SPRYD4: variants seen among roughly 807,000 people sequenced by gnomAD.
SPRYD4 encodes SPRY domain containing 4, also known as SPRY domain-containing protein 4.
A neutral mutation model predicts 16.6 loss-of-function variants in SPRYD4; 12 were observed. The ratio of observed to expected loss-of-function variants is 0.72; its 90% confidence interval spans 0.46 to 1.17. SPRYD4 has a LOEUF of 1.17. Among genes scored for constraint, SPRYD4 ranks in the 50% most tolerant of loss-of-function variants. The pLI is 0.00. For missense variants in SPRYD4, 260 were observed against 260.2 expected, an observed-to-expected ratio of 1.00 and a Z score of 0.00; for synonymous variants, 98 against 105.4, an observed-to-expected ratio of 0.93 and a Z score of 0.43.
rs1869966020 is a variant in SPRYD4, at chr12:56,477,913, T to A, written c.*8336T>A. 1 of 1,607,648 alleles carries A rather than the reference T, an allele frequency of 6.2e-7. No individual in the cohort carries two copies. On this transcript the variant is annotated 3_prime_UTR_variant, in exon 2 of 2. Coordinates refer to ENST00000338146, the MANE Select transcript of SPRYD4 (RefSeq NM_207344.4). ...GAAGGGGACAGCTGTAAGTACGGTC[T>A]GAGCCTTGGTAGTGCTCACCTTCCT...
Position 56,472,849 on chromosome 12 carries a change from G to A in SPRYD4, c.*3272G>A, listed in dbSNP as rs1869416524. On this transcript the variant is annotated 3_prime_UTR_variant, in exon 2 of 2. Transcript: ENST00000338146. ...CATGGATGCTTAGTCCAAGGGTATT[G>A]CTGAAGTGTTATGGAATGTGCTACT... 1 of 940,588 alleles carries A rather than the reference G, an allele frequency of 1.1e-6. No individual in the cohort carries two copies. Among genetic ancestry groups the A allele is most frequent in the Non-Finnish European group, 1.7e-6 (1 of 578,366 alleles). The allele number at this position is 940,588 out of a possible 1,614,324, so 58.3% of individuals were successfully genotyped here. A position where few individuals can be genotyped will look rare whatever the true frequency, so the allele number is the denominator to read the frequency against.
At chr12:56,468,936 C>T in intron 1 of SPRYD4, 103 bp from the exon 2 acceptor site, 1 of 1,403,444 alleles carries the variant, frequency 7.1e-7, no homozygotes, top group Non-Finnish European at 9.6e-7. Context: ...TGACTCTTCC[C>T]TAGTTGCTCG....
Position 56,477,685 on chromosome 12 carries a change from G to A in SPRYD4, c.*8108G>A, listed in dbSNP as rs765693889. 2 of 1,613,550 alleles carry A rather than the reference G, an allele frequency of 1.2e-6. No homozygotes were observed. Among genetic ancestry groups the A allele is most frequent in the African/African-American group, 2.7e-5 (2 of 74,898 alleles). ...CTTGATCAGGGAGCTGACAACAATG[G>A]CACCAGCATTGACCATGGGGTTATG... On this transcript the variant is annotated 3_prime_UTR_variant, in exon 2 of 2. Transcript: ENST00000338146.
In SPRYD4 at chr12:56,479,519, A is replaced by G; in HGVS notation, c.*9942A>G. ...ATGTATGTATGTCAGTACATAGGAC[A>G]TTATCTAGAAGATACCCACTAATCT... On this transcript the variant is annotated 3_prime_UTR_variant, in exon 2 of 2. Transcript: ENST00000338146. 4.8e-6 allele frequency: 2 copies of G among 418,584 alleles called. No homozygotes were observed. The highest frequency in any genetic ancestry group is 8.3e-6 in the Non-Finnish European group (2 of 240,358). The allele number at this position is 418,584 out of a possible 1,614,324, so 25.9% of individuals were successfully genotyped here. A position where few individuals can be genotyped will look rare whatever the true frequency, so the allele number is the denominator to read the frequency against.
At position 56,477,373 on chromosome 12, in the gene SPRYD4, G is replaced by A. The variant is rs1869912881; in HGVS notation, c.*7796G>A. 2 of 273,596 alleles carry A rather than the reference G, an allele frequency of 7.3e-6. No homozygotes were observed. Among genetic ancestry groups the A allele is most frequent in the South Asian group, 2.2e-4 (2 of 9,080 alleles). 16.9% of individuals were successfully genotyped at this position (273,596 alleles called of 1,614,324 possible). ...GCATTTGGCCCTTGGTCCTAGGCAG[G>A]GGTCAGGACCTGCTCACTTCTCTAA... On this transcript the variant is annotated 3_prime_UTR_variant, in exon 2 of 2. Transcript: ENST00000338146.
chr12:56,471,953 G>T lies in SPRYD4; in HGVS notation c.*2376G>T. 1 of 1,295,680 alleles carries T rather than the reference G, an allele frequency of 7.7e-7. No individual in the cohort carries two copies. 80.3% of individuals were successfully genotyped at this position (1,295,680 alleles called of 1,614,324 possible). ...AGGGGAAAAGGCCTCTTCCCATTTT[G>T]TACCCTGCAGCACTCAGTCATAGTC... On this transcript the variant is annotated 3_prime_UTR_variant, in exon 2 of 2. Transcript: ENST00000338146.
intron 1 of SPRYD4, 45 bp downstream of exon 1, chr12:56,468,721 G>A: frequency 1.9e-6 from 3 of 1,586,648 alleles, no homozygotes; most frequent in East Asian, 4.5e-5. Flanking sequence ...AATGGCTGCC[G>A]TCTATTATTC....
In SPRYD4 at chr12:56,477,782, A is replaced by G; in HGVS notation, c.*8205A>G. 5 of 1,567,342 alleles carry G rather than the reference A, an allele frequency of 3.2e-6. No individual in the cohort carries two copies. The highest frequency in any genetic ancestry group is 4.3e-6 in the Non-Finnish European group (5 of 1,149,604). On this transcript the variant is annotated 3_prime_UTR_variant, in exon 2 of 2. Coordinates refer to ENST00000338146, the MANE Select transcript of SPRYD4 (RefSeq NM_207344.4). ...ACAAAGCCTCCCTGACAGCCCGCTC[A>G]CTTTGTGGGTTAGACAAGAAAGACT...
Position 56,474,948 on chromosome 12 carries a change from C to T in SPRYD4, c.*5371C>T. On this transcript the variant is annotated 3_prime_UTR_variant, in exon 2 of 2. Transcript: ENST00000338146. ...TCTCTTCAGGACATCAGCCCTTTCA[C>T]ACTGTCAGGGTCTCAGCTGAAGCCC... is the stretch of plus-strand genomic sequence containing the variant. 4 of 1,613,834 alleles carry T rather than the reference C, an allele frequency of 2.5e-6. No individual in the cohort carries two copies. Among genetic ancestry groups the T allele is most frequent in the Non-Finnish European group, 3.4e-6 (4 of 1,179,878 alleles).
rs758037363 is a variant in SPRYD4, at chr12:56,472,187, A to G, written c.*2610A>G. 2.5e-6 allele frequency: 4 copies of G among 1,614,080 alleles called. No homozygotes were observed. The highest frequency in any genetic ancestry group is 3.4e-6 in the Non-Finnish European group (4 of 1,180,038). The stretch of plus-strand genomic sequence containing the variant: ...TTTCTGTTCCATATCCATGGCTGAC[A>G]AGGCAAACCTGAGGGTAGTGGGAAA... On this transcript the variant is annotated 3_prime_UTR_variant, in exon 2 of 2. Transcript: ENST00000338146.
chr12:56,475,592 G>A lies in SPRYD4; in HGVS notation c.*6015G>A. 1.2e-6 allele frequency: 2 copies of A among 1,605,302 alleles called. No individual in the cohort carries two copies. Among genetic ancestry groups the A allele is most frequent in the South Asian group, 1.1e-5 (1 of 90,862 alleles). Reference sequence around the variant, plus strand: ...TAAGTACACACACATACACCACAATGCTTTCAGTCAGTCCTCTGAGTAGGG... The same window carrying A: ...TAAGTACACACACATACACCACAATACTTTCAGTCAGTCCTCTGAGTAGGG... On this transcript the variant is annotated 3_prime_UTR_variant, in exon 2 of 2. Coordinates refer to ENST00000338146, the MANE Select transcript of SPRYD4 (RefSeq NM_207344.4).
chr12:56,476,387 T>C lies in SPRYD4; in HGVS notation c.*6810T>C, dbSNP rs1371494464. 4.4e-6 allele frequency: 1 copy of C among 227,578 alleles called. No individual in the cohort carries two copies. Among genetic ancestry groups the C allele is most frequent in the African/African-American group, 2.3e-5 (1 of 42,928 alleles). The allele number at this position is 227,578 out of a possible 1,614,324, so 14.1% of individuals were successfully genotyped here. ...TGACTCCCACGTTCATTTTCCTGACTCGAATCCTGTCTCCTAGCCCCACCC... is the reference window on the plus strand; with the variant it reads ...TGACTCCCACGTTCATTTTCCTGACCCGAATCCTGTCTCCTAGCCCCACCC... On this transcript the variant is annotated 3_prime_UTR_variant, in exon 2 of 2. Coordinates refer to ENST00000338146, the MANE Select transcript of SPRYD4 (RefSeq NM_207344.4).
rs1418351242 is a variant in SPRYD4 at position 56,471,545 on chromosome 12, G to A, written c.*1968G>A. On this transcript the variant is annotated 3_prime_UTR_variant, in exon 2 of 2. Transcript: ENST00000338146. ...GGCCTCAGCTGCTGCCTCAGCCTGA[G>A]TTTCAGAGAGTGTGTAGGAGTCCTG... 1.2e-6 allele frequency: 2 copies of A among 1,614,056 alleles called. No individual in the cohort carries two copies. The highest frequency in any genetic ancestry group is 2.2e-5 in the East Asian group (1 of 44,896).
Position 56,475,668 on chromosome 12 carries a change from G to C in SPRYD4, c.*6091G>C. 2 of 1,614,150 alleles carry C rather than the reference G, an allele frequency of 1.2e-6. No homozygotes were observed. The highest frequency in any genetic ancestry group is 8.5e-7 in the Non-Finnish European group (1 of 1,180,024). ...TGTATTCATTCCCAGCCATTTTGTT[G>C]AGATACTGCAACACCTGGAAGAGAA... On this transcript the variant is annotated 3_prime_UTR_variant, in exon 2 of 2. Coordinates refer to ENST00000338146, the MANE Select transcript of SPRYD4 (RefSeq NM_207344.4).
At position 56,474,808 on chromosome 12, in the gene SPRYD4, C is replaced by T. The variant is rs377211150; in HGVS notation, c.*5231C>T. On this transcript the variant is annotated 3_prime_UTR_variant, in exon 2 of 2. Coordinates refer to ENST00000338146, the MANE Select transcript of SPRYD4 (RefSeq NM_207344.4). Reference sequence around the variant, plus strand: ...GGGAAAGGGCAAGGGCAAGGACAGTCTGTCCTGTTCCCTCGGCCCTGAGCA... The same window carrying T: ...GGGAAAGGGCAAGGGCAAGGACAGTTTGTCCTGTTCCCTCGGCCCTGAGCA... 1.7e-5 allele frequency: 28 copies of T among 1,613,286 alleles called. No homozygotes were observed. The highest frequency in any genetic ancestry group is 2.2e-5 in the Non-Finnish European group (26 of 1,179,740).
At position 56,475,030 on chromosome 12, in the gene SPRYD4, C is replaced by A; in HGVS notation, c.*5453C>A. The A allele has an allele frequency of 6.2e-7, 1 of 1,614,120 alleles. No homozygotes were observed. On this transcript the variant is annotated 3_prime_UTR_variant, in exon 2 of 2. Transcript: ENST00000338146. ...AATTCCCAGGGACTTTCTCTTCCGG[C>A]CTCTTCTGGTTACCTTCTTTTCCTT...
chr12:56,478,966 A>G lies in SPRYD4; in HGVS notation c.*9389A>G. 1 of 1,509,702 alleles carries G rather than the reference A, an allele frequency of 6.6e-7. No homozygotes were observed. The highest frequency in any genetic ancestry group is 1.4e-5 in the African/African-American group (1 of 69,656). 93.5% of individuals were successfully genotyped at this position (1,509,702 alleles called of 1,614,324 possible). On this transcript the variant is annotated 3_prime_UTR_variant, in exon 2 of 2. Coordinates refer to ENST00000338146, the MANE Select transcript of SPRYD4 (RefSeq NM_207344.4). ...ACCATTGCACTCCAGCCCGGGTGAC[A>G]GAGCAAAACTCTGTCTCAGGAAAAA...
rs1482076398 is a variant in SPRYD4 at position 56,474,805 on chromosome 12, A to G, written c.*5228A>G. ...GTAGGGAAAGGGCAAGGGCAAGGAC[A>G]GTCTGTCCTGTTCCCTCGGCCCTGA... On this transcript the variant is annotated 3_prime_UTR_variant, in exon 2 of 2. Coordinates refer to ENST00000338146, the MANE Select transcript of SPRYD4 (RefSeq NM_207344.4). The G allele has an allele frequency of 2.5e-6, 4 of 1,613,374 alleles. No individual in the cohort carries two copies. In the African/African-American group the frequency reaches 4.0e-5, roughly 16 times the overall value.
rs1320116445 is a variant in SPRYD4 at position 56,470,934 on chromosome 12, G to A, written c.*1357G>A. 1 of 155,702 alleles carries A rather than the reference G, an allele frequency of 6.4e-6. No homozygotes were observed. The highest frequency in any genetic ancestry group is 6.5e-5 in the Admixed American group (1 of 15,350). 9.6% of individuals were successfully genotyped at this position (155,702 alleles called of 1,614,324 possible). On this transcript the variant is annotated 3_prime_UTR_variant, in exon 2 of 2. Transcript: ENST00000338146. ...TAGATACCCCTAGGGAAGAAAGAAGGACTGGGTTTAGCAAAAATGATTTGG... is the reference window on the plus strand; with the variant it reads ...TAGATACCCCTAGGGAAGAAAGAAGAACTGGGTTTAGCAAAAATGATTTGG...
Sources: gnomAD v4.1 joint callset for allele counts on GRCh38, gnomAD v4.1.1 for gene constraint, MANE v1.5 for transcripts, NCBI Gene and HGNC (gene_info 2026-07-23, HGNC 2026-07-21) for gene names.